The following TRIQK variants were observed in gnomAD, a reference collection of about 807,000 sequenced individuals.
The protein encoded by TRIQK is triple QxxK/R motif-containing protein.
Under a neutral mutation model 10.8 loss-of-function variants are expected in TRIQK, and 10 were observed. The observed-to-expected ratio is 0.92, with a 90% confidence interval of 0.57 to 1.57. The LOEUF is 1.57. TRIQK is among the 40% of genes most tolerant of loss of function. The pLI is 0.00. For missense variants in TRIQK, 107 were observed against 97.7 expected (o/e 1.09, Z -0.40); for synonymous variants, 33 against 33.7 (o/e 0.98, Z 0.07).
intron 2 of TRIQK, chr8:92,953,492 C>T (rs1348921052): frequency 6.6e-6 from 1 of 151,890 alleles, no homozygotes; most frequent in Non-Finnish European, 1.5e-5. Context: ...GGATGGTCAT[C>T]AGGTAAGACT....
At chr8:92,981,178 G>C (rs1199870584) in intron 1 of TRIQK, among the ~76,000 whole-genome samples, 2 of 151,500 alleles carry the variant, frequency 1.3e-5, no homozygotes, top group Admixed American at 6.6e-5. Flanking sequence ...TATTTTTTGT[G>C]ATTAATTTCT....
chr8:92,945,681 A>T (rs1811493722), intron 2 of TRIQK, among the ~76,000 whole-genome samples: 1 of 152,166 alleles, frequency 6.6e-6, no homozygotes, highest in African/African-American at 2.4e-5. Context: ...ATGTATATAG[A>T]TACATATTTG....
intron 1 of TRIQK, among the ~76,000 whole-genome samples, chr8:93,002,296 C>T (rs935263987): frequency 6.6e-6 from 1 of 151,890 alleles, no homozygotes; most frequent in African/African-American, 2.4e-5. Flanking sequence ...ATAAAGACTA[C>T]AAAAACAATT....
chr8:92,910,736 A>C (rs1809525652), intron 3 of TRIQK, among the ~76,000 whole-genome samples: 1 of 151,280 alleles, frequency 6.6e-6, no homozygotes, highest in African/African-American at 2.4e-5. Flanking sequence ...CTTTATAAAT[A>C]AAAAGGTCAT....
intron 1 of TRIQK, among the ~76,000 whole-genome samples, chr8:93,015,696 A>T (rs1032543938): frequency 1.1e-4 from 17 of 152,136 alleles, no homozygotes; most frequent in Non-Finnish European, 1.0e-4. Flanking sequence ...TCTTGAATAA[A>T]TAAAATTCTA....
intron 2 of TRIQK, among the ~76,000 whole-genome samples, chr8:92,924,183 A>G (rs898210923): frequency 6.6e-6 from 1 of 151,948 alleles, no homozygotes; most frequent in African/African-American, 2.4e-5. Flanking sequence ...ATACAACCTC[A>G]TGCTAGATGC....
intron 1 of TRIQK, chr8:92,965,117 T>C (rs1812667907): frequency 6.6e-6 from 1 of 152,186 alleles, no homozygotes; most frequent in Non-Finnish European, 1.5e-5. Context: ...GATCATTAAG[T>C]ATGAGCCGAG....
intron 2 of TRIQK, among the ~76,000 whole-genome samples, chr8:92,930,120 G>A (rs891279599): frequency 6.6e-6 from 1 of 151,858 alleles, no homozygotes; most frequent in Admixed American, 6.6e-5. Context: ...GCTTACACCT[G>A]TAATCCCAGC....
At chr8:92,915,236 A>G (rs1809764293) in intron 3 of TRIQK, among the ~76,000 whole-genome samples, 2 of 152,154 alleles carry the variant, frequency 1.3e-5, no homozygotes, top group African/African-American at 2.4e-5. Flanking sequence ...ATGTAGGTCA[A>G]GGGTATAAAG....
intron 2 of TRIQK, among the ~76,000 whole-genome samples, chr8:92,920,245 T>C (rs1810105441): frequency 6.6e-6 from 1 of 151,704 alleles, no homozygotes; most frequent in Admixed American, 6.6e-5. Context: ...TTTCCTAGCC[T>C]CAATTACAAT....
chr8:92,944,735 T>C (rs1401143155), intron 2 of TRIQK, among the ~76,000 whole-genome samples: 1 of 152,128 alleles, frequency 6.6e-6, no homozygotes, highest in African/African-American at 2.4e-5. Flanking sequence ...TACAGGTAAA[T>C]TTTGGTTAAC....
At chr8:92,916,651 T>C (rs1809866310) in intron 3 of TRIQK, among the ~76,000 whole-genome samples, 1 of 152,048 alleles carries the variant, frequency 6.6e-6, no homozygotes, top group African/African-American at 2.4e-5. Context: ...ATGCTGATTA[T>C]ATAAAAGCAT....
intron 1 of TRIQK, among the ~76,000 whole-genome samples, chr8:93,007,441 C>G (rs561920618): frequency 2.0e-5 from 3 of 152,276 alleles, no homozygotes; most frequent in Non-Finnish European, 4.4e-5. Context: ...AACGAGAAAA[C>G]ACTGAAAACT....
intron 2 of TRIQK, among the ~76,000 whole-genome samples, chr8:92,952,728 A>G (rs1405600493): frequency 6.6e-6 from 1 of 152,060 alleles, no homozygotes; most frequent in Non-Finnish European, 1.5e-5. Context: ...AAGGTATGAC[A>G]GTCATTAATT....
At position 92,991,064 on chromosome 8, in the gene TRIQK, G is replaced by C. The variant is rs556922994; in HGVS notation, c.-181+26545C>G. Reference sequence around the variant, plus strand: ...TGACGAGGAACACTCTGGCTTGGTGGGGGGAGGGAGGTCCACTATTACTAA... The same window carrying C: ...TGACGAGGAACACTCTGGCTTGGTGCGGGGAGGGAGGTCCACTATTACTAA... On this transcript the variant is annotated intron_variant, in intron 1 of 4. Transcript: ENST00000520686. Among the ~76,000 whole-genome samples the C allele has an allele frequency of 5.3e-5, 8 of 152,148 alleles. No individual in the cohort carries two copies. The East Asian group carries it at 5.8e-4, about 11-fold the overall frequency.
chr8:92,900,437 T>C (rs1808869209), intron 3 of TRIQK, among the ~76,000 whole-genome samples: 1 of 152,184 alleles, frequency 6.6e-6, no homozygotes, highest in Admixed American at 6.6e-5. Context: ...GATAGGGTTC[T>C]AGTTGCAGTC....
At chr8:92,935,597 A>G (rs922376615) in intron 2 of TRIQK, among the ~76,000 whole-genome samples, 2 of 151,668 alleles carry the variant, frequency 1.3e-5, no homozygotes, top group African/African-American at 4.8e-5. Flanking sequence ...AAAGTCATAA[A>G]CTAAAAGCAA....
At chr8:92,896,142 T>C (rs1439519818) in intron 3 of TRIQK, among the ~76,000 whole-genome samples, 1 of 152,184 alleles carries the variant, frequency 6.6e-6, no homozygotes, top group Admixed American at 6.5e-5. Context: ...GGGACCTCTG[T>C]ATTCACTGCC....
chr8:92,919,103 C>A (rs1485807241), intron 2 of TRIQK, among the ~76,000 whole-genome samples: 1 of 151,694 alleles, frequency 6.6e-6, no homozygotes, highest in East Asian at 1.9e-4. Flanking sequence ...TATGCCAGTA[C>A]CCAATTGTTT....
Sources: gnomAD v4.1 joint callset for allele counts (sites outside exome capture counted in the v4.1 genomes callset) on GRCh38, gnomAD v4.1.1 for gene constraint, MANE v1.5 for transcripts, NCBI Gene and HGNC (gene_info 2026-07-23, HGNC 2026-07-21) for gene names.